The following SLC6A7 variants were observed in gnomAD, a reference collection of about 807,000 sequenced individuals.
SLC6A7 encodes solute carrier family 6 member 7, also known as sodium-dependent proline transporter.
In SLC6A7, 58 loss-of-function variants were observed where a neutral mutation model predicts 73.1. That is an observed-to-expected ratio of 0.79 (90% CI 0.64 to 0.99). The LOEUF (loss-of-function observed/expected upper bound fraction) is 0.99, where lower values mean the gene tolerates loss of function less well. SLC6A7 is among the 50% of genes least tolerant of loss of function. The pLI is 0.00. For synonymous variants in SLC6A7, 338 were observed against 338.7 expected (o/e 1.00, Z 0.02); for missense variants, 783 against 831.4 (o/e 0.94, Z 0.72).
At position 150,190,145 on chromosome 5, in the gene SLC6A7, A is replaced by G. The variant is rs3764886; in HGVS notation, c.-183A>G. ...GGCGCTGCGCAGGGACAGACAAGGC[A>G]TTCGCAGCGCCCTGCCCGCGCTCCA... On this transcript the variant is annotated 5_prime_UTR_variant, in exon 1 of 14. Coordinates refer to ENST00000230671, the MANE Select transcript of SLC6A7 (RefSeq NM_014228.5). 0.54 allele frequency: 268,905 copies of G among 495,086 alleles called. 76,494 individuals carry two copies. Among genetic ancestry groups the G allele is most frequent in the African/African-American group, 0.87 (42,303 of 48,602 alleles). The allele number at this position is 495,086 out of a possible 1,614,324, so 30.7% of individuals were successfully genotyped here.
chr5:150,194,158 G>A (rs957620964), intron 1 of SLC6A7, among the ~76,000 whole-genome samples: 17 of 152,124 alleles, frequency 1.1e-4, no homozygotes, highest in African/African-American at 3.4e-4. Flanking sequence ...AGCCGGCCAC[G>A]GTGGCTCATG....
At position 150,210,025 on chromosome 5, in the gene SLC6A7, T is replaced by C. The variant is rs567938996; in HGVS notation, c.*410T>C. 1.6e-4 allele frequency: 36 copies of C among 220,292 alleles called. 1 individual carries two copies. In the East Asian group the frequency reaches 3.6e-3, roughly 22 times the overall value. 13.6% of individuals were successfully genotyped at this position (220,292 alleles called of 1,614,324 possible). On this transcript the variant is annotated 3_prime_UTR_variant, in exon 14 of 14. Coordinates refer to ENST00000230671, the MANE Select transcript of SLC6A7 (RefSeq NM_014228.5). ...ATTCAGGGCCTACACCCCTCCCTTT[T>C]TGGGGGGAGCCTGTCCCCACACACC...
intron 4 of SLC6A7, 60 bp from the exon 5 acceptor site, chr5:150,199,168 T>A: frequency 6.6e-7 from 1 of 1,514,112 alleles, no homozygotes; most frequent in Non-Finnish European, 8.8e-7. Context: ...ATGGCTTGAC[T>A]CCATGTCTGT....
Position 150,202,582 on chromosome 5 carries a change from C to A in SLC6A7, c.966C>A (p.Asp322Glu), listed in dbSNP as rs748208725. 1 of 1,614,168 alleles carries A rather than the reference C, an allele frequency of 6.2e-7. No individual in the cohort carries two copies. The highest frequency in any genetic ancestry group is 1.1e-5 in the South Asian group (1 of 91,080). The change falls in exon 8 of 14, where the codon GAC becomes GAA. Residue 322 changes from aspartate (D) to glutamate (E), a missense_variant. By Grantham distance (45) the Asp-to-Glu change is conservative (BLOSUM62 2). Coordinates refer to ENST00000230671, the MANE Select transcript of SLC6A7 (RefSeq NM_014228.5). ...YNTFHQNIYRDTFIVTLGNAI... is the reference protein window; with the variant it reads ...YNTFHQNIYRETFIVTLGNAI... The stretch of plus-strand genomic sequence containing the variant: ...GCACCTGGACTTCTTCTGGTAGAGA[C>A]ACTTTCATCGTCACTCTGGGCAACG...
chr5:150,194,959 G>A (rs1752951753), intron 2 of SLC6A7, 48 bp downstream of exon 2: 1 of 1,545,540 alleles, frequency 6.5e-7, no homozygotes, highest in Non-Finnish European at 8.9e-7. Context: ...GATGGGCCAA[G>A]GCCCTGGGGT....
chr5:150,190,780 C>T (rs1353839681), intron 1 of SLC6A7, among the ~76,000 whole-genome samples: 6 of 152,114 alleles, frequency 3.9e-5, no homozygotes, highest in Non-Finnish European at 7.4e-5. Context: ...GAGTGGGAGG[C>T]GGTCATCCAT....
chr5:150,203,725 C>T lies in SLC6A7; in HGVS notation c.1146C>T (p.Pro382=). ...PQAMTMLPLS[P]FWSFLFFFML... is the part of the protein sequence containing the mutation. The stretch of plus-strand genomic sequence containing the variant: ...CCATGACCATGCTGCCTCTGTCACC[C>T]TTCTGGTCCTTTCTCTTCTTCTTCA... The change falls in exon 9 of 14, where the codon CCC becomes CCT. Residue 382 remains proline (P), a synonymous_variant. Coordinates refer to ENST00000230671, the MANE Select transcript of SLC6A7 (RefSeq NM_014228.5). The T allele has an allele frequency of 6.2e-7, 1 of 1,612,808 alleles. No homozygotes were observed. Among genetic ancestry groups the T allele is most frequent in the Non-Finnish European group, 8.5e-7 (1 of 1,178,950 alleles).
At chr5:150,195,561 G>A (rs1752979674) in intron 2 of SLC6A7, among the ~76,000 whole-genome samples, 6 of 152,192 alleles carry the variant, frequency 3.9e-5, no homozygotes, top group Non-Finnish European at 7.3e-5. Context: ...CCATGGATAC[G>A]ATGAGGTAGC....
intron 12 of SLC6A7, among the ~76,000 whole-genome samples, 185 bp from the exon 13 acceptor site, chr5:150,205,271 A>C (rs2342281): frequency 1 from 152,285 of 152,288 alleles, 76,141 homozygotes; most frequent in Middle Eastern, 1. Context: ...CAGCTTCAAG[A>C]TGGGCTGGCT....
Position 150,203,829 on chromosome 5 carries a change from GT to G in SLC6A7, c.1200+51del, listed in dbSNP as rs1753529039. ...CACCCCGTGTGTGTGTGGTGTGTGT[GT>G]GTGTGTGTGTGTGTGTGTGTGTGTG... On this transcript the variant is annotated intron_variant, in intron 9 of 13. Coordinates refer to ENST00000230671, the MANE Select transcript of SLC6A7 (RefSeq NM_014228.5). 3.5e-6 allele frequency: 4 copies of G among 1,145,782 alleles called. No homozygotes were observed. The African/African-American group carries it at 6.4e-5, about 18-fold the overall frequency. The allele number at this position is 1,145,782 out of a possible 1,614,324, so 71.0% of individuals were successfully genotyped here.
Position 150,205,584 on chromosome 5 carries a change from G to A in SLC6A7, c.1662G>A (p.Met554Ile), listed in dbSNP as rs142285255. ...CCTGCCTCATGATCCCAGCTGGCAT[G>A]CTGGTGGCTGTGCTTCGAGAAGAGG... ...LLSCLMIPAGMLVAVLREEGS... is the reference protein window; with the variant it reads ...LLSCLMIPAGILVAVLREEGS... Residue 554 changes from methionine (M) to isoleucine (I), a missense_variant, in exon 13 of 14, where the codon ATG (methionine) becomes ATA (isoleucine). Coordinates refer to ENST00000230671, the MANE Select transcript of SLC6A7 (RefSeq NM_014228.5). 15 of 1,613,192 alleles carry A rather than the reference G, an allele frequency of 9.3e-6. No individual in the cohort carries two copies. Among genetic ancestry groups the A allele is most frequent in the Non-Finnish European group, 1.1e-5 (13 of 1,179,720 alleles).
chr5:150,208,445 CTGA>C (rs776667495), intron 13 of SLC6A7, among the ~76,000 whole-genome samples: 4 of 152,106 alleles, frequency 2.6e-5, no homozygotes, highest in Non-Finnish European at 5.9e-5. Flanking sequence ...ACTGGTGGAG[CTGA>C]TATCAGGGAG....
Position 150,190,265 on chromosome 5 carries a change from A to G in SLC6A7, c.-63A>G, listed in dbSNP as rs557406368. 3.6e-4 allele frequency: 511 copies of G among 1,403,030 alleles called. 2 individuals carry two copies. The African/African-American group carries it at 6.8e-3, about 19-fold the overall frequency. The allele number at this position is 1,403,030 out of a possible 1,614,324, so 86.9% of individuals were successfully genotyped here. On this transcript the variant is annotated 5_prime_UTR_variant, in exon 1 of 14. Transcript: ENST00000230671. ...GCAAAGGCGCAGTGGCCAGCGGACC[A>G]TCTCTCGTGCCCTCGCTCTCTGCGC...
rs774278344 is a variant in SLC6A7, at chr5:150,202,591, C to T, written c.975C>T (p.Ile325=). The part of the protein sequence containing the change: ...FHQNIYRDTF[I]VTLGNAITSI... Reference sequence around the variant, plus strand: ...CTTCTTCTGGTAGAGACACTTTCATCGTCACTCTGGGCAACGCCATCACCA... The same window carrying T: ...CTTCTTCTGGTAGAGACACTTTCATTGTCACTCTGGGCAACGCCATCACCA... Residue 325 remains isoleucine (I), a synonymous_variant, in exon 8 of 14, where the codon ATC becomes ATT. Coordinates refer to ENST00000230671, the MANE Select transcript of SLC6A7 (RefSeq NM_014228.5). 19 of 1,614,054 alleles carry T rather than the reference C, an allele frequency of 1.2e-5. No individual in the cohort carries two copies. Among genetic ancestry groups the T allele is most frequent in the Non-Finnish European group, 1.5e-5 (18 of 1,180,022 alleles).
chr5:150,198,308 C>T (rs970845823), intron 4 of SLC6A7, among the ~76,000 whole-genome samples: 6 of 150,914 alleles, frequency 4.0e-5, no homozygotes, highest in African/African-American at 1.5e-4. Context: ...ACCCCCATCC[C>T]TTACCTATAA....
At chr5:150,202,988 C>T (rs1010478562) in intron 8 of SLC6A7, among the ~76,000 whole-genome samples, 5 of 151,758 alleles carry the variant, frequency 3.3e-5, no homozygotes, top group Admixed American at 2.0e-4. Context: ...GCAGGAGAAT[C>T]GCTTGAACCC....
At chr5:150,200,725 G>A (rs1451274800) in intron 5 of SLC6A7, among the ~76,000 whole-genome samples, 3 of 152,180 alleles carry the variant, frequency 2.0e-5, no homozygotes, top group Non-Finnish European at 2.9e-5. Flanking sequence ...TTGCTGAAGC[G>A]GTGGCTGGAG....
intron 2 of SLC6A7, 26 bp from the exon 3 acceptor site, chr5:150,196,690 C>G (rs755245109): frequency 6.2e-7 from 1 of 1,605,730 alleles, no homozygotes; most frequent in African/African-American, 1.3e-5. Context: ...CCCCAAGGCC[C>G]TTGCTGACCA....
chr5:150,198,434 T>C (rs1277565881), intron 4 of SLC6A7, among the ~76,000 whole-genome samples: 5 of 152,248 alleles, frequency 3.3e-5, no homozygotes, highest in Admixed American at 1.3e-4. Context: ...CCATCTGAAG[T>C]GTCCGCACCT....
Sources: gnomAD v4.1 joint callset for allele counts (sites outside exome capture counted in the v4.1 genomes callset) on GRCh38, gnomAD v4.1.1 for gene constraint, MANE v1.5 for transcripts, NCBI Gene and HGNC (gene_info 2026-07-23, HGNC 2026-07-21) for gene names.